PCSK6: variants seen among roughly 807,000 people sequenced by gnomAD.
The protein encoded by PCSK6 is paired basic amino acid cleaving enzyme 4.
A neutral mutation model predicts 123.3 loss-of-function variants in PCSK6; 85 were observed. That is an observed-to-expected ratio of 0.69 (90% CI 0.58 to 0.83). PCSK6 has a LOEUF of 0.83. PCSK6 is among the 40% of genes least tolerant of loss of function. PCSK6 has a pLI of 0.00. For missense variants in PCSK6, 1,191 were observed against 1,282.3 expected (o/e 0.93, Z 1.09); for synonymous variants, 508 against 516.0 (o/e 0.98, Z 0.21).
At chr15:101,364,851 A>G in intron 13 of PCSK6, 1 of 571,274 alleles carries the variant, frequency 1.8e-6, no homozygotes, top group Non-Finnish European at 3.3e-6. Flanking sequence ...TAGCCAAAAC[A>G]ATCTTGAGAA....
In PCSK6 at chr15:101,325,471, C is replaced by T. The variant is rs191607759; in HGVS notation, c.2181-425G>A. The stretch of plus-strand genomic sequence containing the variant: ...TGTGGCTGGGAGCTCGAGGACGCCA[C>T]GAGAGCCACATGGGCACCCGGCTTG... On this transcript the variant is annotated intron_variant, in intron 16 of 21. Transcript: ENST00000611716. Among the ~76,000 whole-genome samples, 154 of 152,300 alleles carry T rather than the reference C, an allele frequency of 1.0e-3. 1 individual carries two copies. Among genetic ancestry groups the T allele is most frequent in the African/African-American group, 3.6e-3 (149 of 41,562 alleles).
chr15:101,395,027 G>C (rs75068318), intron 7 of PCSK6, among the ~76,000 whole-genome samples: 1,679 of 152,310 alleles, frequency 0.011, 29 homozygotes, highest in African/African-American at 0.039. Flanking sequence ...TGCAGGAAGA[G>C]ATTCAGCTGA....
chr15:101,374,956 C>CTT lies in PCSK6; in HGVS notation c.1533-4435_1533-4434dup, dbSNP rs764121036. Among the ~76,000 whole-genome samples, 317 of 143,612 alleles carry CTT rather than the reference C, an allele frequency of 2.2e-3. 1 individual carries two copies. Among genetic ancestry groups the CTT allele is most frequent in the African/African-American group, 7.4e-3 (293 of 39,338 alleles). The allele number at this position is 143,612 out of a possible 152,430, so 94.2% of individuals were successfully genotyped here. A position where few individuals can be genotyped will look rare whatever the true frequency, so the allele number is the denominator to read the frequency against. On this transcript the variant is annotated intron_variant, in intron 11 of 21. Coordinates refer to ENST00000611716, the MANE Select transcript of PCSK6 (RefSeq NM_002570.5). Reference sequence around the variant, plus strand: ...TGAGAATTTTCCTCACATGAAATTACTTTTTTTTTTTTTTTGAGATGGAGT... The same window carrying CTT: ...TGAGAATTTTCCTCACATGAAATTACTTTTTTTTTTTTTTTTTGAGATGGAGT...
At chr15:101,332,279 G>A (rs1478184149) in intron 13 of PCSK6, among the ~76,000 whole-genome samples, 1 of 152,176 alleles carries the variant, frequency 6.6e-6, no homozygotes, top group Non-Finnish European at 1.5e-5. Flanking sequence ...TCCGCTTCCT[G>A]TCCCTGCTGG....
chr15:101,448,471 T>G (rs950470570), intron 1 of PCSK6, among the ~76,000 whole-genome samples: 1 of 152,224 alleles, frequency 6.6e-6, no homozygotes, highest in African/African-American at 2.4e-5. Context: ...CAATTCCCCC[T>G]CCTTCACCTG....
intron 1 of PCSK6, among the ~76,000 whole-genome samples, chr15:101,485,850 T>C (rs566433021): frequency 6.6e-6 from 1 of 152,328 alleles, no homozygotes; most frequent in Non-Finnish European, 1.5e-5. Flanking sequence ...ACATTAAATC[T>C]TGTCACAGCT....
At chr15:101,374,340 G>C (rs1388646142) in intron 11 of PCSK6, among the ~76,000 whole-genome samples, 2 of 151,988 alleles carry the variant, frequency 1.3e-5, no homozygotes, top group African/African-American at 4.8e-5. Flanking sequence ...ATATTTTCAA[G>C]TAACCGAGTG....
Position 101,305,949 on chromosome 15 carries a change from G to C in PCSK6, c.2813-594C>G, listed in dbSNP as rs1274492156. ...GGATTCATGAGCAGGATGTGGGGGT[G>C]GTGTGGGAGGGATCTCAGGAGAACA... On this transcript the variant is annotated intron_variant, in intron 21 of 21. Coordinates refer to ENST00000611716, the MANE Select transcript of PCSK6 (RefSeq NM_002570.5). The surrounding 1 kb of genome is among the most constrained non-coding windows in gnomAD (Gnocchi z 4.8). 6.6e-6 allele frequency among the ~76,000 whole-genome samples: 1 copy of C among 152,080 alleles called. No homozygotes were observed. Among genetic ancestry groups the C allele is most frequent in the Non-Finnish European group, 1.5e-5 (1 of 68,008 alleles).
chr15:101,475,775 G>C (rs539157010), intron 1 of PCSK6, among the ~76,000 whole-genome samples: 1 of 151,700 alleles, frequency 6.6e-6, no homozygotes, highest in East Asian at 1.9e-4. Context: ...ACAAGTGTGA[G>C]CCACTGTGCT....
chr15:101,474,536 C>G (rs891152630), intron 1 of PCSK6, among the ~76,000 whole-genome samples: 12 of 152,152 alleles, frequency 7.9e-5, no homozygotes, highest in African/African-American at 2.9e-4. Context: ...AGCAAATGAA[C>G]CCCCCTACCC....
At chr15:101,361,121 CTT>C (rs2041207129) in intron 13 of PCSK6, among the ~76,000 whole-genome samples, 1 of 150,546 alleles carries the variant, frequency 6.6e-6, no homozygotes, top group South Asian at 2.1e-4. Flanking sequence ...TTATTTAAGA[CTT>C]CCGTATCCCT....
chr15:101,370,617 A>G lies in PCSK6; in HGVS notation c.1533-94T>C, dbSNP rs546117773. 1.7e-4 allele frequency: 200 copies of G among 1,194,444 alleles called. 2 individuals are homozygous for G. In the East Asian group the frequency reaches 3.7e-3, roughly 22 times the overall value. The allele number at this position is 1,194,444 out of a possible 1,614,324, so 74.0% of individuals were successfully genotyped here. A position where few individuals can be genotyped will look rare whatever the true frequency, so the allele number is the denominator to read the frequency against. Reference sequence around the variant, plus strand: ...TCCAGCGCCCGTCCACTCTATCCCCACTGCAGCCTCAGGGCCCTGCGGGCC... The same window carrying G: ...TCCAGCGCCCGTCCACTCTATCCCCGCTGCAGCCTCAGGGCCCTGCGGGCC... On this transcript the variant is annotated intron_variant, in intron 11 of 21. Coordinates refer to ENST00000611716, the MANE Select transcript of PCSK6 (RefSeq NM_002570.5).
At chr15:101,435,726 C>T (rs4965866) in intron 2 of PCSK6, among the ~76,000 whole-genome samples, 52,650 of 152,088 alleles carry the variant, frequency 0.35, 9,772 homozygotes, top group African/African-American at 0.49. Flanking sequence ...GCTTCCTTCT[C>T]GAGAAGCCAA....
chr15:101,451,436 C>A (rs1467448297), intron 1 of PCSK6, among the ~76,000 whole-genome samples: 3 of 152,166 alleles, frequency 2.0e-5, no homozygotes, highest in Non-Finnish European at 4.4e-5. Flanking sequence ...AATCCCCACC[C>A]CACCTCCCCA....
intron 1 of PCSK6, among the ~76,000 whole-genome samples, chr15:101,484,070 G>C (rs7167106): frequency 0.034 from 5,150 of 152,146 alleles, 283 homozygotes; most frequent in African/African-American, 0.12. Context: ...TTATACGTGT[G>C]TATATATACA....
chr15:101,329,072 C>T (rs1405887117), intron 15 of PCSK6, among the ~76,000 whole-genome samples: 3 of 152,182 alleles, frequency 2.0e-5, no homozygotes, highest in Non-Finnish European at 4.4e-5. Context: ...TGTCACTTCC[C>T]GTAACTCCTA....
chr15:101,318,546 G>A (rs2040046294), intron 18 of PCSK6, 124 bp from the exon 19 acceptor site: 2 of 808,670 alleles, frequency 2.5e-6, no homozygotes, highest in Admixed American at 4.6e-5. Context: ...GTCACCGAAA[G>A]TTCTCAGCTA....
chr15:101,359,042 C>T (rs772435543), intron 13 of PCSK6, among the ~76,000 whole-genome samples: 10 of 152,162 alleles, frequency 6.6e-5, no homozygotes, highest in Non-Finnish European at 1.5e-4. Flanking sequence ...GGAAGGCGCC[C>T]GTCCTCCCCA....
chr15:101,338,704 TTCTA>T (rs1362575247), intron 13 of PCSK6, among the ~76,000 whole-genome samples: 1 of 152,196 alleles, frequency 6.6e-6, no homozygotes, highest in Non-Finnish European at 1.5e-5. Flanking sequence ...GTTCCTTAGT[TTCTA>T]AAAGGAGGGG....
Sources: allele counts gnomAD v4.1 joint callset (sites outside exome capture counted in the v4.1 genomes callset), GRCh38; gene constraint gnomAD v4.1.1; non-coding constraint Gnocchi (gnomAD v3.1); transcripts MANE v1.5; gene names NCBI Gene and HGNC (gene_info 2026-07-23, HGNC 2026-07-21).